The following OTOGL variants were observed in gnomAD, a reference collection of about 807,000 sequenced individuals.
OTOGL encodes otogelin-like protein.
OTOGL carries 285 observed loss-of-function variants against 318.5 expected under a neutral mutation model. The ratio of observed to expected loss-of-function variants is 0.89; its 90% CI spans 0.81 to 0.99. The LOEUF is 0.99. Ranked by LOEUF, OTOGL falls within the 50% of genes least tolerant of loss-of-function variation. OTOGL has a pLI of 0.00. For synonymous variants in OTOGL, 987 were observed against 936.5 expected (o/e 1.05, Z -0.99); for missense variants, 2,899 against 2,845.6 (o/e 1.02, Z -0.43).
chr12:80,165,312 A>G (rs1258638982), intron 1 of OTOGL, among the ~76,000 whole-genome samples: 1 of 152,128 alleles, frequency 6.6e-6, no homozygotes, highest in South Asian at 2.1e-4. Context: ...TTTGCTGTGG[A>G]CATATATACC....
Position 80,336,072 on chromosome 12 carries a change from A to G in OTOGL, c.4532A>G (p.Asp1511Gly). The G allele has an allele frequency of 6.3e-7, 1 of 1,598,790 alleles. No individual in the cohort carries two copies. Among genetic ancestry groups the G allele is most frequent in the Non-Finnish European group, 8.5e-7 (1 of 1,179,392 alleles). ...LNCPKDVEMP[D>G]CGFRGRPVQV... ...TGCCCAAAGGACGTGGAAATGCCTG[A>G]CTGTGGTTTCCGAGGAAGGCCAGTT... The change falls in exon 39 of 59, where the codon GAC (aspartate) becomes GGC (glycine). Residue 1511 changes from aspartate (D) to glycine (G), a missense_variant. Coordinates refer to ENST00000547103, the MANE Select transcript of OTOGL (RefSeq NM_001378609.3).
At chr12:80,243,251 G>C (rs1236780125) in intron 11 of OTOGL, among the ~76,000 whole-genome samples, 2 of 152,054 alleles carry the variant, frequency 1.3e-5, no homozygotes, top group Non-Finnish European at 2.9e-5. Flanking sequence ...AAACCATGGA[G>C]ACCAGAAGGA....
At position 80,370,484 on chromosome 12, in the gene OTOGL, AC is replaced by A. The variant is rs1566021988; in HGVS notation, c.6616-85del. The A allele has an allele frequency of 9.4e-6, 11 of 1,176,164 alleles. No homozygotes were observed. The African/African-American group carries it at 1.8e-4, about 19-fold the overall frequency. 72.9% of individuals were successfully genotyped at this position (1,176,164 alleles called of 1,614,324 possible). On this transcript the variant is annotated intron_variant, in intron 55 of 58. Transcript: ENST00000547103. ...CAAGAAGCCTTTGCATCTTGATTTG[AC>A]TTTTTATTCAATAGAATAATATTGT...
At chr12:80,336,213 C>T (rs1036596399) in intron 39 of OTOGL, 73 bp downstream of exon 39, 20 of 1,417,516 alleles carry the variant, frequency 1.4e-5, no homozygotes, top group Non-Finnish European at 1.8e-5. Context: ...CTTTTTTGAA[C>T]CTTTCACCTC....
rs1891393226 is a variant in OTOGL at position 80,380,460 on chromosome 12, T to C, written c.*2412T>C. The C allele has an allele frequency of 6.6e-6, 1 of 151,714 alleles. No individual in the cohort carries two copies. The highest frequency in any genetic ancestry group is 2.4e-5 in the African/African-American group (1 of 41,356). The allele number at this position is 151,714 out of a possible 1,614,324, so 9.4% of individuals were successfully genotyped here. A position where few individuals can be genotyped will look rare whatever the true frequency, so the allele number is the denominator to read the frequency against. ...ACCTGATAGAAAAATGAGCCAAAGATATAAACTGATAGTTGAAAGAAAAAT... is the reference window on the plus strand; with the variant it reads ...ACCTGATAGAAAAATGAGCCAAAGACATAAACTGATAGTTGAAAGAAAAAT... On this transcript the variant is annotated 3_prime_UTR_variant, in exon 59 of 59. Coordinates refer to ENST00000547103, the MANE Select transcript of OTOGL (RefSeq NM_001378609.3).
intron 1 of OTOGL, chr12:80,102,750 C>A: frequency 1.7e-6 from 1 of 594,660 alleles, no homozygotes. Context: ...GAGGTATATC[C>A]TAAAACTTTA....
chr12:80,271,587 T>A, intron 23 of OTOGL, 61 bp from the exon 24 acceptor site: 2 of 1,495,206 alleles, frequency 1.3e-6, no homozygotes, highest in Admixed American at 2.1e-5. Flanking sequence ...AATTTTGGTG[T>A]TCATATCTCC....
Position 80,252,075 on chromosome 12 carries a change from G to C in OTOGL, c.1160-1G>C, listed in dbSNP as rs1411514983. 2 of 1,539,500 alleles carry C rather than the reference G, an allele frequency of 1.3e-6. No individual in the cohort carries two copies. Among genetic ancestry groups the C allele is most frequent in the Admixed American group, 4.0e-5 (2 of 49,742 alleles). On this transcript the variant is annotated splice_acceptor_variant, in intron 12 of 58. Transcript: ENST00000547103. LOFTEE classifies it high-confidence loss of function. ...TAAGCTCCCCTGTTTGTCTGTTTTA[G>C]CTGATAAATGTGATGATAGCTTTGT... is the stretch of plus-strand genomic sequence containing the variant.
Position 80,318,672 on chromosome 12 carries a change from AT to A in OTOGL, c.3765del (p.Phe1255LeufsTer2). The A allele has an allele frequency of 1.4e-6, 2 of 1,437,304 alleles. No homozygotes were observed. The highest frequency in any genetic ancestry group is 1.6e-5 in the South Asian group (1 of 63,828). 89.0% of individuals were successfully genotyped at this position (1,437,304 alleles called of 1,614,324 possible). ...RSSVHTSLFF[Y>X]FMITPGLFKE... ...AGTGTTCATACCAGTTTATTTTTTT[AT>A]TTTATGATCACTCCAGGCCTTTTCA... On this transcript the variant is annotated frameshift_variant, in exon 33 of 59. Transcript: ENST00000547103. LOFTEE classifies it high-confidence loss of function.
intron 21 of OTOGL, among the ~76,000 whole-genome samples, 199 bp downstream of exon 21, chr12:80,266,815 C>G (rs1348097040): frequency 6.6e-6 from 1 of 151,932 alleles, no homozygotes; most frequent in South Asian, 2.1e-4. Context: ...AAGTGTATTC[C>G]TGCTTGCTTT....
chr12:80,160,803 G>A (rs539472031), intron 1 of OTOGL, among the ~76,000 whole-genome samples: 5 of 152,188 alleles, frequency 3.3e-5, no homozygotes, highest in African/African-American at 1.2e-4. Flanking sequence ...CAGCAGCACA[G>A]TTCACAATTG....
chr12:80,371,057 C>G (rs1486673430), intron 56 of OTOGL, among the ~76,000 whole-genome samples: 4 of 151,970 alleles, frequency 2.6e-5, no homozygotes, highest in Admixed American at 2.6e-4. Context: ...TGATGTCATT[C>G]AACTGTAATG....
chr12:80,319,324 C>T (rs1414294004), intron 33 of OTOGL, among the ~76,000 whole-genome samples: 1 of 152,124 alleles, frequency 6.6e-6, no homozygotes, highest in Non-Finnish European at 1.5e-5. Flanking sequence ...GTTCAGGCTA[C>T]CTCATGTCTA....
intron 1 of OTOGL, among the ~76,000 whole-genome samples, chr12:80,142,650 C>A (rs11114330): frequency 0.2 from 30,625 of 152,098 alleles, 3,386 homozygotes; most frequent in Middle Eastern, 0.31. Flanking sequence ...GGAAAGCCAA[C>A]TCTCATTCAT....
intron 4 of OTOGL, among the ~76,000 whole-genome samples, chr12:80,216,559 G>T (rs573939680): frequency 6.6e-6 from 1 of 152,272 alleles, no homozygotes; most frequent in African/African-American, 2.4e-5. Flanking sequence ...TGCTTAGATT[G>T]ATTGACATAA....
chr12:80,353,926 A>G (rs917739378), intron 46 of OTOGL, among the ~76,000 whole-genome samples: 14 of 152,222 alleles, frequency 9.2e-5, no homozygotes, highest in African/African-American at 3.1e-4. Flanking sequence ...AGCATTTTGC[A>G]TTTGACATGG....
At chr12:80,184,902 ATGGGAGGAGGAAC>A (rs376532669) in intron 1 of OTOGL, among the ~76,000 whole-genome samples, 16 of 152,168 alleles carry the variant, frequency 1.1e-4, no homozygotes, top group African/African-American at 3.9e-4. Flanking sequence ...GTATGATGTC[ATGGGAGGAGGAAC>A]TGCATCTCCC....
At position 80,378,164 on chromosome 12, in the gene OTOGL, G is replaced by A; in HGVS notation, c.*116G>A. On this transcript the variant is annotated 3_prime_UTR_variant, in exon 59 of 59. Coordinates refer to ENST00000547103, the MANE Select transcript of OTOGL (RefSeq NM_001378609.3). ...CTGTTTAACAATACTGTATTTTTCA[G>A]ACTTGGAATGTGGAAATTTAGCAAT... The A allele has an allele frequency of 1.3e-6, 1 of 760,346 alleles. No individual in the cohort carries two copies. Among genetic ancestry groups the A allele is most frequent in the Non-Finnish European group, 2.0e-6 (1 of 498,134 alleles). The allele number at this position is 760,346 out of a possible 1,614,324, so 47.1% of individuals were successfully genotyped here.
chr12:80,128,597 G>C (rs1391099815), intron 1 of OTOGL, among the ~76,000 whole-genome samples: 2 of 152,200 alleles, frequency 1.3e-5, no homozygotes, highest in Non-Finnish European at 2.9e-5. Flanking sequence ...GTCTGCAGAG[G>C]TTTCTGCTGT....
Sources: gnomAD v4.1 joint callset for allele counts (sites outside exome capture counted in the v4.1 genomes callset) on GRCh38, gnomAD v4.1.1 for gene constraint, MANE v1.5 for transcripts, NCBI Gene and HGNC (gene_info 2026-07-23, HGNC 2026-07-21) for gene names.